PDE6C: variants seen among roughly 807,000 people sequenced by gnomAD.
PDE6C encodes phosphodiesterase 6C.
PDE6C carries 75 observed loss-of-function variants against 113.1 expected under a neutral mutation model. The ratio of observed to expected loss-of-function variants is 0.66; its 90% CI spans 0.55 to 0.80. The LOEUF is 0.80. Among genes scored for constraint, PDE6C ranks in the 30% least tolerant of loss-of-function variants. PDE6C has a pLI of 0.00. For missense variants in PDE6C, 912 were observed against 1,038.6 expected (o/e 0.88, Z 1.67); for synonymous variants, 375 against 363.7 (o/e 1.03, Z -0.35).
At chr10:93,660,049 G>C in intron 18 of PDE6C, among the ~76,000 whole-genome samples, 1 of 152,102 alleles carries the variant, frequency 6.6e-6, no homozygotes, top group Non-Finnish European at 1.5e-5. Context: ...GTAATTTCTA[G>C]GGAAACCCCT....
intron 15 of PDE6C, among the ~76,000 whole-genome samples, chr10:93,653,487 T>C (rs1052622211): frequency 6.6e-6 from 1 of 151,882 alleles, no homozygotes; most frequent in Admixed American, 6.6e-5. Flanking sequence ...TACTAAAAAA[T>C]ACAAAAATTA....
At chr10:93,659,551 C>T (rs1019553499) in intron 18 of PDE6C, among the ~76,000 whole-genome samples, 8 of 152,010 alleles carry the variant, frequency 5.3e-5, no homozygotes, top group East Asian at 1.9e-4. Flanking sequence ...GGGGAGGCCT[C>T]ACAATCATGG....
At chr10:93,655,609 CCAA>C in intron 15 of PDE6C, 148 bp from the exon 16 acceptor site, 3 of 462,436 alleles carry the variant, frequency 6.5e-6, no homozygotes, top group Non-Finnish European at 1.1e-5. Context: ...TAAAAGCAAG[CCAA>C]AAAAAAAAAA....
chr10:93,621,222 C>T (rs906233558), intron 3 of PDE6C, among the ~76,000 whole-genome samples: 3 of 152,120 alleles, frequency 2.0e-5, no homozygotes, highest in African/African-American at 4.8e-5. Context: ...GTCTAGATCC[C>T]GAGTGGACTT....
Position 93,612,715 on chromosome 10 carries a change from C to T in PDE6C, c.-11C>T. On this transcript the variant is annotated 5_prime_UTR_variant, in exon 1 of 22. Transcript: ENST00000371447. Reference sequence around the variant, plus strand: ...TCCTTTCTGAACAAACGCAGCAAAGCAAGCCACACCATGGGTGAGATCAAC... The same window carrying T: ...TCCTTTCTGAACAAACGCAGCAAAGTAAGCCACACCATGGGTGAGATCAAC... 1 of 1,613,556 alleles carries T rather than the reference C, an allele frequency of 6.2e-7. No individual in the cohort carries two copies. Among genetic ancestry groups the T allele is most frequent in the South Asian group, 1.1e-5 (1 of 91,042 alleles).
intron 18 of PDE6C, 34 bp from the exon 19 acceptor site, chr10:93,662,025 T>C (rs770089390): frequency 3.0e-6 from 4 of 1,335,478 alleles, no homozygotes; most frequent in Non-Finnish European, 3.2e-6. Flanking sequence ...TATTCATAAG[T>C]GGATTTAGTG....
At chr10:93,656,341 A>T (rs1020866284) in intron 16 of PDE6C, among the ~76,000 whole-genome samples, 5 of 152,158 alleles carry the variant, frequency 3.3e-5, no homozygotes, top group African/African-American at 1.2e-4. Flanking sequence ...AACTTACAAA[A>T]CTGAGTCATA....
At chr10:93,643,403 T>TA (rs2058568750) in intron 14 of PDE6C, among the ~76,000 whole-genome samples, 2 of 152,104 alleles carry the variant, frequency 1.3e-5, no homozygotes, top group South Asian at 4.1e-4. Context: ...AATATATATA[T>TA]TTTTTGGAGA....
chr10:93,649,643 T>G (rs1354692471), intron 15 of PDE6C, among the ~76,000 whole-genome samples: 2 of 152,192 alleles, frequency 1.3e-5, no homozygotes, highest in Non-Finnish European at 2.9e-5. Flanking sequence ...CTCATCCTGT[T>G]GCCCAGGCTG....
chr10:93,658,462 A>T (rs1170080169), intron 16 of PDE6C, among the ~76,000 whole-genome samples: 9 of 151,814 alleles, frequency 5.9e-5, no homozygotes, highest in African/African-American at 2.2e-4. Context: ...CTCTTTTCTC[A>T]TATGTAATTT....
intron 1 of PDE6C, among the ~76,000 whole-genome samples, chr10:93,616,620 G>T (rs1473413322): frequency 6.6e-6 from 1 of 150,446 alleles, no homozygotes; most frequent in African/African-American, 2.4e-5. Context: ...AATGATTATT[G>T]CCTGTTTTAA....
At chr10:93,627,696 T>G (rs2058480839) in intron 7 of PDE6C, among the ~76,000 whole-genome samples, 1 of 152,172 alleles carries the variant, frequency 6.6e-6, no homozygotes, top group Non-Finnish European at 1.5e-5. Context: ...ATGAAAAGTT[T>G]AAAAAAGAAT....
At chr10:93,641,121 A>G (rs1277874040) in intron 14 of PDE6C, 92 bp downstream of exon 14, 2 of 770,660 alleles carry the variant, frequency 2.6e-6, no homozygotes, top group African/African-American at 3.5e-5. Context: ...TCCTTGGCCC[A>G]GTCAATGCCT....
At chr10:93,655,512 G>A (rs1041871626) in intron 15 of PDE6C, among the ~76,000 whole-genome samples, 6 of 148,906 alleles carry the variant, frequency 4.0e-5, no homozygotes, top group African/African-American at 7.5e-5. Context: ...ATGAATATTG[G>A]CTAACAGTAT....
intron 15 of PDE6C, among the ~76,000 whole-genome samples, chr10:93,655,324 A>C (rs1303126294): frequency 6.6e-6 from 1 of 152,194 alleles, no homozygotes; most frequent in Admixed American, 6.5e-5. Context: ...AGTGGTTTCT[A>C]TGATCACTCT....
intron 1 of PDE6C, among the ~76,000 whole-genome samples, chr10:93,616,899 A>G (rs895441400): frequency 6.6e-6 from 1 of 152,192 alleles, no homozygotes; most frequent in Non-Finnish European, 1.5e-5. Context: ...TGATCTGCCC[A>G]CATAGGCCTC....
At chr10:93,656,856 G>A (rs1319363555) in intron 16 of PDE6C, among the ~76,000 whole-genome samples, 2 of 151,988 alleles carry the variant, frequency 1.3e-5, no homozygotes, top group South Asian at 2.1e-4. Context: ...GGTGTGAGCC[G>A]TTGCACTGGG....
At chr10:93,652,980 A>T (rs1394474964) in intron 15 of PDE6C, among the ~76,000 whole-genome samples, 2 of 152,144 alleles carry the variant, frequency 1.3e-5, no homozygotes, top group African/African-American at 2.4e-5. Context: ...ATTTTCACAC[A>T]TTCCTCCCCT....
chr10:93,646,627 C>T (rs1564802914), intron 15 of PDE6C, among the ~76,000 whole-genome samples: 2 of 152,056 alleles, frequency 1.3e-5, no homozygotes, highest in East Asian at 1.9e-4. Context: ...GAAGGGGGAG[C>T]GAGCACTTCA....
Sources: gnomAD v4.1 joint callset for allele counts (sites outside exome capture counted in the v4.1 genomes callset) on GRCh38, gnomAD v4.1.1 for gene constraint, MANE v1.5 for transcripts, NCBI Gene and HGNC (gene_info 2026-07-23, HGNC 2026-07-21) for gene names.